SLCO5A1: variants seen among roughly 807,000 people sequenced by gnomAD.
SLCO5A1 encodes solute carrier organic anion transporter family member 5A1, also known as organic anion transporter polypeptide-related protein 4.
Under a neutral mutation model 65.1 loss-of-function variants are expected in SLCO5A1, and 39 were observed. That is an observed-to-expected ratio of 0.60 (90% CI 0.46 to 0.78). The LOEUF (loss-of-function observed/expected upper bound fraction) is 0.78. Among genes scored for constraint, SLCO5A1 ranks in the 30% least tolerant of loss-of-function variants. SLCO5A1 has a pLI of 0.00. For missense variants in SLCO5A1, 1,029 were observed against 1,069.4 expected, an observed-to-expected ratio of 0.96 and a Z score of 0.53; for synonymous variants, 438 against 415.7, an observed-to-expected ratio of 1.05 and a Z score of -0.65.
intron 9 of SLCO5A1, among the ~76,000 whole-genome samples, chr8:69,673,554 C>A (rs963114413): frequency 6.6e-6 from 1 of 152,000 alleles, no homozygotes. Context: ...ACCCAGAATG[C>A]GCTGTTGATT....
intron 6 of SLCO5A1, among the ~76,000 whole-genome samples, chr8:69,688,550 T>C (rs1814100735): frequency 6.7e-6 from 1 of 150,258 alleles, no homozygotes; most frequent in Admixed American, 6.6e-5. Flanking sequence ...TGTGTTCTCA[T>C]TGTTCAATTC....
Position 69,670,787 on chromosome 8 carries a change from A to G in SLCO5A1, c.*2082T>C, listed in dbSNP as rs952337182. On this transcript the variant is annotated 3_prime_UTR_variant, in exon 10 of 10. Coordinates refer to ENST00000260126, the MANE Select transcript of SLCO5A1 (RefSeq NM_030958.3). ...TGCCAATCCCACCAAAATTCTCTCA[A>G]TGCAGTATCTTAATGATCAGAAGAA... The G allele has an allele frequency of 2.0e-5, 3 of 152,148 alleles. No individual in the cohort carries two copies. Among genetic ancestry groups the G allele is most frequent in the African/African-American group, 7.2e-5 (3 of 41,418 alleles). 9.4% of individuals were successfully genotyped at this position (152,148 alleles called of 1,614,324 possible). A position where few individuals can be genotyped will look rare whatever the true frequency, so the allele number is the denominator to read the frequency against.
intron 6 of SLCO5A1, among the ~76,000 whole-genome samples, chr8:69,697,080 A>G (rs1463491120): frequency 1.3e-5 from 2 of 152,232 alleles, no homozygotes; most frequent in Admixed American, 6.5e-5. Flanking sequence ...TGAGTTTAAA[A>G]AAAAAGACAT....
At chr8:69,824,889 G>C (rs1003335107) in intron 2 of SLCO5A1, among the ~76,000 whole-genome samples, 87 of 152,230 alleles carry the variant, frequency 5.7e-4, no homozygotes, top group African/African-American at 1.4e-3. Context: ...TAAAATACTG[G>C]CAAACTGAAT....
intron 9 of SLCO5A1, among the ~76,000 whole-genome samples, chr8:69,675,191 TC>T (rs1813499238): frequency 1.3e-5 from 2 of 150,610 alleles, no homozygotes; most frequent in Non-Finnish European, 1.5e-5. Context: ...TTTTTTTTTT[TC>T]AGACAGAGTT....
At chr8:69,805,056 A>C (rs1430501408) in intron 2 of SLCO5A1, among the ~76,000 whole-genome samples, 2 of 152,048 alleles carry the variant, frequency 1.3e-5, no homozygotes, top group African/African-American at 2.4e-5. Flanking sequence ...GTGGTCCTAC[A>C]GGCAGCAATG....
intron 5 of SLCO5A1, among the ~76,000 whole-genome samples, chr8:69,724,049 A>G (rs527856200): frequency 4.7e-4 from 72 of 152,350 alleles, no homozygotes; most frequent in African/African-American, 1.7e-3. Context: ...CTGGCATTAC[A>G]GGTGTGAACC....
At chr8:69,796,530 C>G (rs1283325836) in intron 2 of SLCO5A1, among the ~76,000 whole-genome samples, 1 of 152,022 alleles carries the variant, frequency 6.6e-6, no homozygotes, top group Non-Finnish European at 1.5e-5. Context: ...GTGGGAGGAT[C>G]ACCTGAGCCT....
At chr8:69,824,789 C>G (rs974731214) in intron 2 of SLCO5A1, among the ~76,000 whole-genome samples, 4 of 152,192 alleles carry the variant, frequency 2.6e-5, no homozygotes, top group African/African-American at 9.7e-5. Context: ...AGACCAGCAT[C>G]ATCCTGATAC....
At chr8:69,701,884 A>T (rs969671565) in intron 6 of SLCO5A1, among the ~76,000 whole-genome samples, 1 of 152,206 alleles carries the variant, frequency 6.6e-6, no homozygotes, top group South Asian at 2.1e-4. Flanking sequence ...GACAATACAC[A>T]TGTCATAAAT....
At chr8:69,743,767 C>T (rs967884875) in intron 4 of SLCO5A1, among the ~76,000 whole-genome samples, 6 of 152,108 alleles carry the variant, frequency 3.9e-5, no homozygotes, top group African/African-American at 1.4e-4. Flanking sequence ...GGAGGCGGGA[C>T]TCAGAGGTGC....
chr8:69,737,706 C>T (rs1043292722), intron 5 of SLCO5A1, among the ~76,000 whole-genome samples: 2 of 152,100 alleles, frequency 1.3e-5, no homozygotes, highest in African/African-American at 2.4e-5. Flanking sequence ...TAACTTAACA[C>T]TTTAAAACCC....
chr8:69,688,484 C>T (rs984206119), intron 6 of SLCO5A1, among the ~76,000 whole-genome samples: 14 of 152,132 alleles, frequency 9.2e-5, no homozygotes, highest in Admixed American at 5.2e-4. Flanking sequence ...TATCCCTCCC[C>T]GCTCCCCCCA....
At chr8:69,821,377 T>C (rs1473536703) in intron 2 of SLCO5A1, among the ~76,000 whole-genome samples, 1 of 141,672 alleles carries the variant, frequency 7.1e-6, no homozygotes, top group Non-Finnish European at 1.5e-5. Context: ...AAATAAAATT[T>C]GCAAAATGAA....
chr8:69,681,729 T>A (rs564209263), intron 7 of SLCO5A1, among the ~76,000 whole-genome samples: 2 of 152,326 alleles, frequency 1.3e-5, no homozygotes, highest in African/African-American at 4.8e-5. Flanking sequence ...AGTTTTTTTT[T>A]AAGCCGGAAC....
intron 2 of SLCO5A1, among the ~76,000 whole-genome samples, chr8:69,797,602 G>T (rs182105767): frequency 7.6e-4 from 115 of 152,256 alleles, no homozygotes; most frequent in African/African-American, 2.6e-3. Context: ...CTGAGGGCAG[G>T]CCTCTAAAAT....
intron 2 of SLCO5A1, among the ~76,000 whole-genome samples, chr8:69,819,133 G>T (rs552483867): frequency 6.6e-6 from 1 of 152,108 alleles, no homozygotes; most frequent in Non-Finnish European, 1.5e-5. Context: ...CACTCTCAAT[G>T]TCTCCTTTCT....
At chr8:69,673,386 G>A (rs1484756849) in intron 9 of SLCO5A1, 60 bp from the exon 10 acceptor site, 9 of 1,438,968 alleles carry the variant, frequency 6.3e-6, no homozygotes, top group Non-Finnish European at 8.6e-6. Context: ...GGGAAAACAG[G>A]TTTGTAAATT....
In SLCO5A1 at chr8:69,716,360, T is replaced by G. The variant is rs1815536936; in HGVS notation, c.1424-11131A>C. Among the ~76,000 whole-genome samples, 2 of 151,706 alleles carry G rather than the reference T, an allele frequency of 1.3e-5. 1 individual carries two copies. Among genetic ancestry groups the G allele is most frequent in the African/African-American group, 4.8e-5 (2 of 41,464 alleles). On this transcript the variant is annotated intron_variant, in intron 5 of 9. Coordinates refer to ENST00000260126, the MANE Select transcript of SLCO5A1 (RefSeq NM_030958.3). ...GATACATGCCTAGAAATGGAATTAC[T>G]GGATCATATGTTAACTCTGTGTTTG...
Sources: gnomAD v4.1 joint callset for allele counts (sites outside exome capture counted in the v4.1 genomes callset) on GRCh38, gnomAD v4.1.1 for gene constraint, MANE v1.5 for transcripts, NCBI Gene and HGNC (gene_info 2026-07-23, HGNC 2026-07-21) for gene names.